WDR70: variants seen among roughly 807,000 people sequenced by gnomAD.
WDR70 encodes WD repeat domain 70.
A neutral mutation model predicts 88.6 loss-of-function variants in WDR70; 53 were observed. That is an observed-to-expected ratio of 0.60 (90% CI 0.48 to 0.75). The LOEUF (loss-of-function observed/expected upper bound fraction) is 0.75. Among genes scored for constraint, WDR70 ranks in the 30% least tolerant of loss-of-function variants. The probability of loss-of-function intolerance (pLI) is 0.00; values close to 1 mark genes in which losing one functional copy is unlikely to be tolerated. For missense variants in WDR70, 610 were observed against 823.2 expected, an observed-to-expected ratio of 0.74 and a Z score of 3.17; for synonymous variants, 280 against 270.0, an observed-to-expected ratio of 1.04 and a Z score of -0.36.
At chr5:37,716,852 G>T (rs960000201) in intron 13 of WDR70, among the ~76,000 whole-genome samples, 1 of 151,878 alleles carries the variant, frequency 6.6e-6, no homozygotes, top group African/African-American at 2.4e-5. Flanking sequence ...AATTTTTGTG[G>T]TCTTTTCACT....
intron 9 of WDR70, among the ~76,000 whole-genome samples, chr5:37,532,737 C>A (rs573836063): frequency 3.3e-5 from 5 of 152,044 alleles, no homozygotes; most frequent in African/African-American, 1.2e-4. Context: ...GCTTAATAAT[C>A]GACCTTCTAA....
At chr5:37,589,257 C>A (rs866163316) in intron 9 of WDR70, among the ~76,000 whole-genome samples, 1 of 139,680 alleles carries the variant, frequency 7.2e-6, no homozygotes, top group African/African-American at 3.1e-5. Flanking sequence ...CATACACACA[C>A]ACACACACAC....
intron 9 of WDR70, among the ~76,000 whole-genome samples, chr5:37,530,773 G>GT (rs57043165): frequency 0.13 from 16,404 of 127,718 alleles, 2,561 homozygotes; most frequent in African/African-American, 0.38. Flanking sequence ...TTTATCTTTT[G>GT]TTTTTTTTTT....
chr5:37,452,114 A>G (rs567353976), intron 7 of WDR70, among the ~76,000 whole-genome samples: 11 of 152,312 alleles, frequency 7.2e-5, no homozygotes, highest in Admixed American at 7.2e-4. Context: ...TCTGATTGTA[A>G]CACCCAATGG....
intron 9 of WDR70, among the ~76,000 whole-genome samples, chr5:37,578,361 G>A (rs1743116728): frequency 6.6e-6 from 1 of 152,104 alleles, no homozygotes; most frequent in Non-Finnish European, 1.5e-5. Flanking sequence ...CTAGGGCATT[G>A]CCATTTTATT....
At chr5:37,634,303 AAAAAAAAAG>A (rs1744899597) in intron 10 of WDR70, among the ~76,000 whole-genome samples, 1 of 151,694 alleles carries the variant, frequency 6.6e-6, no homozygotes, top group African/African-American at 2.4e-5. Context: ...TGTCTCAAAA[AAAAAAAAAG>A]AAAAAAAAGA....
chr5:37,667,028 G>A (rs1339028608), intron 10 of WDR70, among the ~76,000 whole-genome samples: 1 of 152,096 alleles, frequency 6.6e-6, no homozygotes, highest in African/African-American at 2.4e-5. Context: ...CCCCATGACT[G>A]GATCTAGAGG....
At chr5:37,719,947 A>G (rs1333797766) in intron 13 of WDR70, among the ~76,000 whole-genome samples, 3 of 151,742 alleles carry the variant, frequency 2.0e-5, no homozygotes, top group Non-Finnish European at 2.9e-5. Flanking sequence ...GGCTCAAGCA[A>G]TCTTCCTGCC....
In WDR70 at chr5:37,525,860, G is replaced by T. The variant is rs559741168; in HGVS notation, c.917+9270G>T. 1.2e-4 allele frequency among the ~76,000 whole-genome samples: 18 copies of T among 152,112 alleles called. No individual in the cohort carries two copies. The East Asian group carries it at 1.5e-3, about 13-fold the overall frequency. Reference sequence around the variant, plus strand: ...TCAGAGAATACTATAAACACCTCTAGGCAAATAAACTAGAAAATCTAGAAG... The same window carrying T: ...TCAGAGAATACTATAAACACCTCTATGCAAATAAACTAGAAAATCTAGAAG... On this transcript the variant is annotated intron_variant, in intron 9 of 17. Transcript: ENST00000265107.
intron 9 of WDR70, among the ~76,000 whole-genome samples, chr5:37,546,520 G>A (rs1581383303): frequency 6.6e-6 from 1 of 152,278 alleles, no homozygotes; most frequent in Non-Finnish European, 1.5e-5. Context: ...TGTAGAAGAT[G>A]CAAATCAGTA....
intron 8 of WDR70, among the ~76,000 whole-genome samples, chr5:37,492,000 C>A (rs950185685): frequency 6.6e-6 from 1 of 152,122 alleles, no homozygotes; most frequent in Admixed American, 6.5e-5. Flanking sequence ...ACAAGATGTT[C>A]CAGGGTCATC....
chr5:37,646,765 T>C (rs1656345452), intron 10 of WDR70, among the ~76,000 whole-genome samples: 1 of 152,186 alleles, frequency 6.6e-6, no homozygotes, highest in Admixed American at 6.5e-5. Flanking sequence ...TATTTATTTC[T>C]TTTCTCTTGC....
chr5:37,409,525 A>G (rs1299954005), intron 5 of WDR70, among the ~76,000 whole-genome samples: 3 of 142,172 alleles, frequency 2.1e-5, no homozygotes, highest in South Asian at 2.2e-4. Flanking sequence ...TTTTTTGGAG[A>G]TGGAGTTTTG....
intron 13 of WDR70, among the ~76,000 whole-genome samples, chr5:37,717,869 A>G (rs1185085680): frequency 6.6e-6 from 1 of 152,214 alleles, no homozygotes; most frequent in Non-Finnish European, 1.5e-5. Flanking sequence ...TAATAAACAA[A>G]AAAGGCCCAC....
chr5:37,447,102 AC>A (rs1187175749), intron 7 of WDR70, among the ~76,000 whole-genome samples: 1 of 152,216 alleles, frequency 6.6e-6, no homozygotes, highest in Non-Finnish European at 1.5e-5. Context: ...CAAGAAAAAA[AC>A]AACCCCATCA....
intron 10 of WDR70, among the ~76,000 whole-genome samples, chr5:37,653,840 ATTAG>A (rs1344444565): frequency 2.0e-5 from 3 of 151,616 alleles, no homozygotes; most frequent in Non-Finnish European, 4.4e-5. Flanking sequence ...TTTCTTCTTT[ATTAG>A]TCTAGCTAGT....
At chr5:37,711,899 G>A (rs761074035) in intron 13 of WDR70, among the ~76,000 whole-genome samples, 1 of 151,546 alleles carries the variant, frequency 6.6e-6, no homozygotes, top group Non-Finnish European at 1.5e-5. Flanking sequence ...TAACTGTAAT[G>A]GCCTATTCCT....
chr5:37,479,194 T>C (rs1739577955), intron 7 of WDR70, among the ~76,000 whole-genome samples: 1 of 151,676 alleles, frequency 6.6e-6, no homozygotes, highest in African/African-American at 2.4e-5. Flanking sequence ...TGAGAGGAAG[T>C]TGAGGCAGTT....
chr5:37,396,568 GAAGT>G lies in WDR70; in HGVS notation c.492+4_492+7del. The G allele has an allele frequency of 1.9e-6, 3 of 1,607,266 alleles. No homozygotes were observed. The highest frequency in any genetic ancestry group is 2.2e-5 in the East Asian group (1 of 44,742). On this transcript the variant is annotated splice_donor_variant and coding_sequence_variant, in exon 5 of 18. Transcript: ENST00000265107. LOFTEE classifies it high-confidence loss of function. ...AGAAGAAGAGGAAGAGGAGGAAGAG[GAAGT>G]AAGTATTTCAGTGGTAATTTAAGAA...
Sources: allele counts gnomAD v4.1 joint callset (sites outside exome capture counted in the v4.1 genomes callset), GRCh38; gene constraint gnomAD v4.1.1; transcripts MANE v1.5; gene names NCBI Gene and HGNC (gene_info 2026-07-23, HGNC 2026-07-21).